SORT1: variants seen among roughly 807,000 people sequenced by gnomAD.
The protein encoded by SORT1 is sortilin 1, also known as sortilin.
Under a neutral mutation model 101.7 loss-of-function variants are expected in SORT1, and 39 were observed. The observed-to-expected ratio is 0.38, with a 90% CI of 0.30 to 0.50. The LOEUF (loss-of-function observed/expected upper bound fraction) is 0.50, where lower values mean the gene tolerates loss of function less well. SORT1 is among the 20% of genes least tolerant of loss of function. The pLI is 0.90. For missense variants in SORT1, 878 were observed against 1,040.4 expected (o/e 0.84, Z 2.15); for synonymous variants, 396 against 393.7 (o/e 1.01, Z -0.07).
At chr1:109,351,180 T>C (rs1447543771) in intron 5 of SORT1, among the ~76,000 whole-genome samples, 178 bp from the exon 6 acceptor site, 1 of 152,198 alleles carries the variant, frequency 6.6e-6, no homozygotes, top group African/African-American at 2.4e-5. Flanking sequence ...TTTGGGGTCT[T>C]GGAAGTTCAG....
chr1:109,359,396 C>T (rs555347213), intron 3 of SORT1, among the ~76,000 whole-genome samples: 94 of 152,246 alleles, frequency 6.2e-4, no homozygotes, highest in African/African-American at 2.1e-3. Flanking sequence ...TGTACGGCAT[C>T]CTGACACCCC....
intron 10 of SORT1, among the ~76,000 whole-genome samples, chr1:109,337,808 TAC>T (rs1648936785): frequency 6.6e-6 from 1 of 152,136 alleles, no homozygotes; most frequent in Non-Finnish European, 1.5e-5. Flanking sequence ...GTATTTTTAG[TAC>T]AGACTGGGTT....
At chr1:109,347,708 C>G (rs1649692506) in intron 6 of SORT1, among the ~76,000 whole-genome samples, 176 bp from the exon 7 acceptor site, 1 of 152,238 alleles carries the variant, frequency 6.6e-6, no homozygotes, top group Non-Finnish European at 1.5e-5. Context: ...AAGCTCCCCA[C>G]TGCCCGGCCC....
At chr1:109,333,947 C>G (rs1648632101) in intron 11 of SORT1, among the ~76,000 whole-genome samples, 1 of 152,064 alleles carries the variant, frequency 6.6e-6, no homozygotes, top group South Asian at 2.1e-4. Flanking sequence ...GAGTTCGAGA[C>G]CAGCCTGGCC....
rs200154747 is a variant in SORT1, at chr1:109,327,185, T to C, written c.1475-25A>G. 12 of 1,575,918 alleles carry C rather than the reference T, an allele frequency of 7.6e-6. No individual in the cohort carries two copies. The Admixed American group carries it at 8.5e-5, about 11-fold the overall frequency. ...CCTGCAATATAATCCACCATCTCATTAGCACAAATAGGCAATGAAACAGAG... is the reference window on the plus strand; with the variant it reads ...CCTGCAATATAATCCACCATCTCATCAGCACAAATAGGCAATGAAACAGAG... On this transcript the variant is annotated intron_variant, in intron 12 of 19. Transcript: ENST00000256637.
At chr1:109,391,880 A>G (rs998652025) in intron 1 of SORT1, among the ~76,000 whole-genome samples, 9 of 152,232 alleles carry the variant, frequency 5.9e-5, no homozygotes, top group Admixed American at 2.0e-4. Flanking sequence ...CAAGTTTTTA[A>G]AAATAGAAGT....
intron 8 of SORT1, among the ~76,000 whole-genome samples, chr1:109,344,166 C>G (rs911616314): frequency 6.6e-6 from 1 of 152,166 alleles, no homozygotes; most frequent in Non-Finnish European, 1.5e-5. Context: ...GCCCCCTTAC[C>G]CACTGCCAAG....
intron 8 of SORT1, among the ~76,000 whole-genome samples, chr1:109,344,944 G>A (rs952801118): frequency 5.9e-5 from 9 of 151,948 alleles, no homozygotes; most frequent in African/African-American, 9.7e-5. Flanking sequence ...GGATCCACCC[G>A]CCTCAGCCTC....
intron 10 of SORT1, 87 bp downstream of exon 10, chr1:109,340,637 C>A: frequency 2.2e-6 from 3 of 1,354,390 alleles, no homozygotes; most frequent in East Asian, 2.4e-5. Context: ...TGGCAAGCAA[C>A]ATTACTAGGG....
chr1:109,336,360 GAAC>G lies in SORT1; in HGVS notation c.1265-17_1265-15del. On this transcript the variant is annotated splice_polypyrimidine_tract_variant and intron_variant, in intron 10 of 19. Transcript: ENST00000256637. The stretch of plus-strand genomic sequence containing the variant: ...GGATAGAATTATCTGAATGGGAAGA[GAAC>G]AACATTAAGTCTGATACACTGGAAG... 1 of 1,505,202 alleles carries G rather than the reference GAAC, an allele frequency of 6.6e-7. No homozygotes were observed. The allele number at this position is 1,505,202 out of a possible 1,614,324, so 93.2% of individuals were successfully genotyped here.
chr1:109,345,315 G>A (rs937285122), intron 8 of SORT1, among the ~76,000 whole-genome samples: 4 of 151,990 alleles, frequency 2.6e-5, no homozygotes, highest in African/African-American at 9.7e-5. Context: ...AGGAGTTCAA[G>A]ACCAGCCCGG....
At chr1:109,351,774 G>A (rs907800598) in intron 5 of SORT1, among the ~76,000 whole-genome samples, 5 of 152,200 alleles carry the variant, frequency 3.3e-5, no homozygotes, top group East Asian at 1.9e-4. Context: ...GTACTTGGAC[G>A]TGAATGGGAA....
At chr1:109,336,514 TATG>T (rs1648840915) in intron 10 of SORT1, among the ~76,000 whole-genome samples, 168 bp from the exon 11 acceptor site, 1 of 152,134 alleles carries the variant, frequency 6.6e-6, no homozygotes, top group African/African-American at 2.4e-5. Flanking sequence ...GCACTTTAAA[TATG>T]ATATTTGAGG....
chr1:109,346,356 A>G (rs1046620889), intron 7 of SORT1, among the ~76,000 whole-genome samples: 6 of 151,320 alleles, frequency 4.0e-5, no homozygotes, highest in Admixed American at 4.0e-4. Flanking sequence ...GATATAGGCA[A>G]TTCATATTTG....
In SORT1 at chr1:109,314,393, A is replaced by G. The variant is rs576256518; in HGVS notation, c.2358-9T>C. On this transcript the variant is annotated splice_polypyrimidine_tract_variant and intron_variant, in intron 18 of 19. Coordinates refer to ENST00000256637, the MANE Select transcript of SORT1 (RefSeq NM_002959.7). Reference sequence around the variant, plus strand: ...ATCGATGCACCAGGAACCTGTGAACAGAAACCTCCTTAACACTCGGTGGTA... The same window carrying G: ...ATCGATGCACCAGGAACCTGTGAACGGAAACCTCCTTAACACTCGGTGGTA... 1 of 1,613,504 alleles carries G rather than the reference A, an allele frequency of 6.2e-7. No homozygotes were observed. Among genetic ancestry groups the G allele is most frequent in the Admixed American group, 1.7e-5 (1 of 59,938 alleles).
intron 11 of SORT1, among the ~76,000 whole-genome samples, chr1:109,334,146 T>G (rs1557790192): frequency 6.6e-6 from 1 of 151,166 alleles, no homozygotes; most frequent in Non-Finnish European, 1.5e-5. Flanking sequence ...ACTGTGTCTT[T>G]AAAAAAAAGA....
intron 3 of SORT1, chr1:109,366,773 T>A (rs1651116610): frequency 6.6e-6 from 1 of 151,766 alleles, no homozygotes; most frequent in Non-Finnish European, 1.5e-5. Context: ...GGCATGGAGG[T>A]ACGTGCCTGT....
chr1:109,382,347 G>T (rs1168088084), intron 1 of SORT1, among the ~76,000 whole-genome samples: 1 of 152,074 alleles, frequency 6.6e-6, no homozygotes, highest in African/African-American at 2.4e-5. Flanking sequence ...TGTTGGCCAG[G>T]ATGGTTTCAA....
intron 13 of SORT1, among the ~76,000 whole-genome samples, chr1:109,326,480 C>CATATATAT (rs1557784468): frequency 6.1e-5 from 7 of 114,504 alleles, no homozygotes; most frequent in Non-Finnish European, 1.2e-4. Flanking sequence ...CACACACACA[C>CATATATAT]ACACATATAT....
Sources: allele counts gnomAD v4.1 joint callset (sites outside exome capture counted in the v4.1 genomes callset), GRCh38; gene constraint gnomAD v4.1.1; transcripts MANE v1.5; gene names NCBI Gene and HGNC (gene_info 2026-07-23, HGNC 2026-07-21).